Variants in TMEM245 observed in about 807,000 individuals in gnomAD.
The protein encoded by TMEM245 is transmembrane protein 245.
In TMEM245, 69 loss-of-function variants were observed where a neutral mutation model predicts 101.2. The ratio of observed to expected loss-of-function variants is 0.68; its 90% CI spans 0.56 to 0.83. The LOEUF is 0.83. TMEM245 is among the 40% of genes least tolerant of loss of function. The probability of loss-of-function intolerance (pLI) is 0.00; values close to 1 mark genes in which losing one functional copy is unlikely to be tolerated. For missense variants in TMEM245, 1,075 were observed against 1,092.8 expected, an observed-to-expected ratio of 0.98 and a Z score of 0.23; for synonymous variants, 537 against 449.8, an observed-to-expected ratio of 1.19 and a Z score of -2.45.
At chr9:109,029,122 T>C (rs145480599) in intron 17 of TMEM245, among the ~76,000 whole-genome samples, 1 of 152,160 alleles carries the variant, frequency 6.6e-6, no homozygotes, top group East Asian at 1.9e-4. Flanking sequence ...GAAACCTCTA[T>C]AGTAAAGCTA....
intron 14 of TMEM245, chr9:109,046,236 T>C: frequency 1.9e-6 from 1 of 534,484 alleles, no homozygotes; most frequent in Non-Finnish European, 3.8e-6. Flanking sequence ...TGTGAAAATA[T>C]CACACACACT....
chr9:109,093,424 G>A, intron 4 of TMEM245, 51 bp downstream of exon 4: 6 of 1,484,536 alleles, frequency 4.0e-6, no homozygotes, highest in African/African-American at 1.4e-5. Context: ...TACTTTCTAT[G>A]TACATTTCAT....
At chr9:109,083,627 T>A (rs909017234) in intron 7 of TMEM245, among the ~76,000 whole-genome samples, 20 of 152,104 alleles carry the variant, frequency 1.3e-4, no homozygotes, top group African/African-American at 4.8e-4. Flanking sequence ...ACTGGCCTAT[T>A]TATCAAGCTA....
intron 10 of TMEM245, among the ~76,000 whole-genome samples, chr9:109,063,131 CT>C (rs141525411): frequency 2.0e-5 from 3 of 151,314 alleles, no homozygotes; most frequent in East Asian, 1.9e-4. Context: ...ATTTTTTTTT[CT>C]TTTTTTTGAG....
chr9:109,053,762 C>T (rs1828753945), intron 12 of TMEM245, among the ~76,000 whole-genome samples: 1 of 152,164 alleles, frequency 6.6e-6, no homozygotes, highest in African/African-American at 2.4e-5. Context: ...TTCTATGGAG[C>T]CGGTGAAGGA....
chr9:109,067,050 C>A (rs1829192571), intron 9 of TMEM245, among the ~76,000 whole-genome samples: 3 of 143,192 alleles, frequency 2.1e-5, no homozygotes. Flanking sequence ...GGGCAAGACT[C>A]CATCTCAAAA....
At chr9:109,101,647 A>G (rs1830284691) in intron 3 of TMEM245, among the ~76,000 whole-genome samples, 1 of 152,228 alleles carries the variant, frequency 6.6e-6, no homozygotes, top group South Asian at 2.1e-4. Context: ...GGTTGAAATG[A>G]AAGTTAAACA....
chr9:109,119,866 A>G lies in TMEM245; in HGVS notation c.48T>C (p.Ser16=), dbSNP rs907444576. ...GPKDAPSLRS[S]PGPAPRVPRA... ...GCGGGACCCGCGGCGCCGGCCCGGG[A>G]GAGCTCCGCAGGCTTGGCGCGTCCT... Residue 16 remains serine, a synonymous_variant, in exon 1 of 18, where the codon TCT becomes TCC. Coordinates refer to ENST00000374586, the MANE Select transcript of TMEM245 (RefSeq NM_032012.4). The G allele has an allele frequency of 5.3e-6, 7 of 1,319,346 alleles. No homozygotes were observed. Among genetic ancestry groups the G allele is most frequent in the Non-Finnish European group, 6.7e-6 (7 of 1,044,136 alleles). The allele number at this position is 1,319,346 out of a possible 1,614,324, so 81.7% of individuals were successfully genotyped here. A position where few individuals can be genotyped will look rare whatever the true frequency, so the allele number is the denominator to read the frequency against.
At chr9:109,097,637 G>A (rs1162531879) in intron 3 of TMEM245, among the ~76,000 whole-genome samples, 2 of 152,126 alleles carry the variant, frequency 1.3e-5, no homozygotes, top group Non-Finnish European at 2.9e-5. Context: ...ATAAAATGCT[G>A]GCTGGGCACA....
chr9:109,075,423 G>A (rs1829468248), intron 8 of TMEM245, among the ~76,000 whole-genome samples: 2 of 152,190 alleles, frequency 1.3e-5, no homozygotes, highest in Non-Finnish European at 2.9e-5. Flanking sequence ...GAACAACACT[G>A]TGTAGAACAG....
At chr9:109,034,033 AC>A (rs1415866190) in intron 16 of TMEM245, among the ~76,000 whole-genome samples, 1 of 152,254 alleles carries the variant, frequency 6.6e-6, no homozygotes, top group Non-Finnish European at 1.5e-5. Flanking sequence ...AATATCTGTC[AC>A]AAAGCCCAAG....
At chr9:109,041,870 C>T (rs922601080) in intron 14 of TMEM245, among the ~76,000 whole-genome samples, 4 of 151,998 alleles carry the variant, frequency 2.6e-5, no homozygotes, top group East Asian at 3.9e-4. Context: ...GTAGTTCACA[C>T]CTGTAATCCT....
chr9:109,086,306 C>T (rs1829834753), intron 6 of TMEM245, among the ~76,000 whole-genome samples: 1 of 152,176 alleles, frequency 6.6e-6, no homozygotes, highest in Non-Finnish European at 1.5e-5. Context: ...GGCTTAGTGT[C>T]TCCATGCCTT....
intron 12 of TMEM245, among the ~76,000 whole-genome samples, chr9:109,056,440 C>CAAAAAA (rs753175633): frequency 4.4e-4 from 16 of 36,766 alleles, no homozygotes; most frequent in Non-Finnish European, 6.8e-4. Context: ...ACTAAAAATG[C>CAAAAAA]AAAAAAAAAA....
At chr9:109,078,678 T>C (rs1382644866) in intron 8 of TMEM245, among the ~76,000 whole-genome samples, 1 of 152,250 alleles carries the variant, frequency 6.6e-6, no homozygotes, top group Non-Finnish European at 1.5e-5. Flanking sequence ...TTTCTTTTTA[T>C]CTTTGTCTTT....
chr9:109,066,559 A>G (rs909722098), intron 9 of TMEM245, among the ~76,000 whole-genome samples: 1 of 151,966 alleles, frequency 6.6e-6, no homozygotes, highest in Non-Finnish European at 1.5e-5. Flanking sequence ...TAAACAGGAA[A>G]TCTGGGTCAC....
intron 11 of TMEM245, among the ~76,000 whole-genome samples, chr9:109,060,075 T>C (rs978106065): frequency 6.6e-6 from 1 of 152,244 alleles, no homozygotes; most frequent in African/African-American, 2.4e-5. Flanking sequence ...CTTATGTGGC[T>C]TGCATTACAC....
chr9:109,099,529 T>A (rs1830229219), intron 3 of TMEM245, among the ~76,000 whole-genome samples: 1 of 152,144 alleles, frequency 6.6e-6, no homozygotes, highest in Admixed American at 6.5e-5. Context: ...CTGATGATTG[T>A]TTCACTAACT....
chr9:109,080,542 C>T (rs1047615418), intron 8 of TMEM245, among the ~76,000 whole-genome samples: 1 of 151,582 alleles, frequency 6.6e-6, no homozygotes, highest in African/African-American at 2.4e-5. Flanking sequence ...CCTAATTCTC[C>T]TATTAAACTA....
Sources: allele counts gnomAD v4.1 joint callset (sites outside exome capture counted in the v4.1 genomes callset), GRCh38; gene constraint gnomAD v4.1.1; transcripts MANE v1.5; gene names NCBI Gene and HGNC (gene_info 2026-07-23, HGNC 2026-07-21).